PAPOLA: variants seen among roughly 807,000 people sequenced by gnomAD.
PAPOLA encodes the protein poly(A) polymerase alpha, also known as polynucleotide adenylyltransferase alpha.
Under a neutral mutation model 100.6 loss-of-function variants are expected in PAPOLA, and 15 were observed. The observed-to-expected ratio is 0.15, with a 90% confidence interval of 0.10 to 0.23. The LOEUF (loss-of-function observed/expected upper bound fraction) is 0.23. Ranked by LOEUF, PAPOLA falls within the 10% of genes least tolerant of loss-of-function variation. PAPOLA has a pLI of 1.00. For missense variants in PAPOLA, 533 were observed against 884.2 expected (o/e 0.60, Z 5.04); for synonymous variants, 293 against 300.0 (o/e 0.98, Z 0.24).
chr14:96,529,898 A>C (rs750638816), intron 6 of PAPOLA, among the ~76,000 whole-genome samples: 1 of 152,100 alleles, frequency 6.6e-6, no homozygotes, highest in Admixed American at 6.5e-5. Context: ...GCGGAATTCT[A>C]TGTCTTCAAA....
At chr14:96,542,525 A>G in intron 13 of PAPOLA, 1 of 516,042 alleles carries the variant, frequency 1.9e-6, no homozygotes, top group Non-Finnish European at 3.4e-6. Context: ...TTAATTGTAT[A>G]TTTAAAGTGC....
intron 16 of PAPOLA, among the ~76,000 whole-genome samples, chr14:96,551,944 CTTGCTT>C (rs60732799): frequency 0.046 from 6,978 of 152,228 alleles, 173 homozygotes; most frequent in Non-Finnish European, 0.057. Flanking sequence ...ACTGAAGTCT[CTTGCTT>C]TTGAGAGAGG....
chr14:96,539,131 G>A (rs77599703), intron 12 of PAPOLA, among the ~76,000 whole-genome samples: 3,368 of 152,162 alleles, frequency 0.022, 62 homozygotes, highest in Middle Eastern at 0.037. Flanking sequence ...CATGTAACTA[G>A]CAGTAAATCA....
In PAPOLA at chr14:96,562,804, C is replaced by G; in HGVS notation, c.2068-15C>G. 6.5e-7 allele frequency: 1 copy of G among 1,544,932 alleles called. No individual in the cohort carries two copies. Among genetic ancestry groups the G allele is most frequent in the Non-Finnish European group, 8.9e-7 (1 of 1,121,880 alleles). On this transcript the variant is annotated splice_polypyrimidine_tract_variant and intron_variant, in intron 20 of 21. Transcript: ENST00000216277. ...AAGTCTCTTTTCCCCCTTCCCCATC[C>G]TCTTTGTCTCACAGGAACAACTTGA...
Position 96,565,045 on chromosome 14 carries a change from C to T in PAPOLA, c.2233C>T (p.Arg745Trp). ...GAATTCAATAAAACTGAGATTGAATCGGTAAAAACAACCTCAGGGGTCCAT... is the reference window on the plus strand; with the variant it reads ...GAATTCAATAAAACTGAGATTGAATTGGTAAAAACAACCTCAGGGGTCCAT... ...IKNSIKLRLN[R>W] Residue 745 changes from arginine to tryptophan, a missense_variant, in exon 22 of 22, where the codon CGG becomes TGG. By Grantham distance (101) the Arg-to-Trp change is moderately radical. This residue lies in a region of PAPOLA where 242 missense variants were observed against 281.0 expected (regional missense o/e 0.86). Transcript: ENST00000216277. 2 of 1,529,036 alleles carry T rather than the reference C, an allele frequency of 1.3e-6. No individual in the cohort carries two copies. Among genetic ancestry groups the T allele is most frequent in the South Asian group, 1.1e-5 (1 of 89,320 alleles). The allele number at this position is 1,529,036 out of a possible 1,614,324, so 94.7% of individuals were successfully genotyped here. A position where few individuals can be genotyped will look rare whatever the true frequency, so the allele number is the denominator to read the frequency against.
At chr14:96,519,492 AC>A (rs1375227193) in intron 1 of PAPOLA, among the ~76,000 whole-genome samples, 1 of 152,188 alleles carries the variant, frequency 6.6e-6, no homozygotes, top group Admixed American at 6.5e-5. Context: ...TGTAAAATAA[AC>A]CTTTTAGACT....
rs1320547214 is a variant in PAPOLA, at chr14:96,502,385, A to G, written c.-208A>G. 2 of 697,956 alleles carry G rather than the reference A, an allele frequency of 2.9e-6. No individual in the cohort carries two copies. Among genetic ancestry groups the G allele is most frequent in the East Asian group, 2.7e-5 (1 of 36,644 alleles). The allele number at this position is 697,956 out of a possible 1,614,324, so 43.2% of individuals were successfully genotyped here. A position where few individuals can be genotyped will look rare whatever the true frequency, so the allele number is the denominator to read the frequency against. On this transcript the variant is annotated 5_prime_UTR_variant, in exon 1 of 22. Coordinates refer to ENST00000216277, the MANE Select transcript of PAPOLA (RefSeq NM_032632.5). ...GCGTGGTGGCGTCAGCAGTTCTAGA[A>G]CGTTGCTGTGGTAGCGCTCGGGCGC...
chr14:96,520,987 A>G lies in PAPOLA; in HGVS notation c.183-19A>G, dbSNP rs763051692. ...AGTAATGATCTGGAATACTTGATTG[A>G]TAATTGTTTTATCAACAGGATTTTA... is the stretch of plus-strand genomic sequence containing the variant. On this transcript the variant is annotated intron_variant, in intron 2 of 21. Transcript: ENST00000216277. 9.7e-5 allele frequency: 108 copies of G among 1,108,970 alleles called. No homozygotes were observed. Among genetic ancestry groups the G allele is most frequent in the Non-Finnish European group, 1.5e-4 (106 of 719,972 alleles). 68.7% of individuals were successfully genotyped at this position (1,108,970 alleles called of 1,614,324 possible). A position where few individuals can be genotyped will look rare whatever the true frequency, so the allele number is the denominator to read the frequency against.
chr14:96,531,734 G>A, intron 7 of PAPOLA, 148 bp downstream of exon 7: 1 of 1,489,288 alleles, frequency 6.7e-7, no homozygotes, highest in Non-Finnish European at 8.9e-7. Context: ...ATAAACTACA[G>A]AAGAGTATGT....
chr14:96,546,150 C>T (rs1900380003), intron 15 of PAPOLA, among the ~76,000 whole-genome samples: 2 of 152,026 alleles, frequency 1.3e-5, no homozygotes, highest in African/African-American at 4.8e-5. Flanking sequence ...GTTGTTCAAC[C>T]TAGAGACATT....
At position 96,532,082 on chromosome 14, in the gene PAPOLA, C is replaced by G. The variant is rs1595527885; in HGVS notation, c.608-249C>G. On this transcript the variant is annotated intron_variant, in intron 7 of 21. Coordinates refer to ENST00000216277, the MANE Select transcript of PAPOLA (RefSeq NM_032632.5). ...CTGAAGTTCAAATTGGGGCAGGTTA[C>G]AGTTTACTTTGGTTTCTTTGGTCAG... 2.3e-6 allele frequency: 3 copies of G among 1,289,848 alleles called. No individual in the cohort carries two copies. In the East Asian group the frequency reaches 1.0e-4, roughly 43 times the overall value. The allele number at this position is 1,289,848 out of a possible 1,614,324, so 79.9% of individuals were successfully genotyped here. A position where few individuals can be genotyped will look rare whatever the true frequency, so the allele number is the denominator to read the frequency against.
rs1902293928 is a variant in PAPOLA, at chr14:96,566,623, C to T, written c.*1573C>T. The T allele has an allele frequency of 6.6e-6, 1 of 152,516 alleles. No homozygotes were observed. The highest frequency in any genetic ancestry group is 6.6e-5 in the Admixed American group (1 of 15,260). The allele number at this position is 152,516 out of a possible 1,614,324, so 9.4% of individuals were successfully genotyped here. ...TAGGCTATGCATTAATCGAAGCTTT[C>T]TTTTCACCATGACTTTATAATGTCT... On this transcript the variant is annotated 3_prime_UTR_variant, in exon 22 of 22. Coordinates refer to ENST00000216277, the MANE Select transcript of PAPOLA (RefSeq NM_032632.5).
intron 10 of PAPOLA, chr14:96,535,101 G>A (rs947427965): frequency 2.6e-5 from 26 of 981,764 alleles, no homozygotes; most frequent in Non-Finnish European, 3.6e-6. Flanking sequence ...TTCTTGGGAA[G>A]TTACAACATT....
intron 17 of PAPOLA, among the ~76,000 whole-genome samples, chr14:96,554,521 C>A (rs11621733): frequency 0.036 from 5,546 of 152,188 alleles, 154 homozygotes; most frequent in African/African-American, 0.075. Flanking sequence ...CCAAAAATAA[C>A]AAGTCTTCGA....
At position 96,525,459 on chromosome 14, in the gene PAPOLA, C is replaced by G. The variant is rs138637779; in HGVS notation, c.331+68C>G. On this transcript the variant is annotated intron_variant, in intron 4 of 21. Transcript: ENST00000216277. ...CTTAAAAATTATGACATACCCGTCT[C>G]AGTTACTTGTGTATCATATAGCTTA... The G allele has an allele frequency of 4.5e-4, 301 of 663,312 alleles. 3 individuals are homozygous for G. The African/African-American group carries it at 5.0e-3, about 11-fold the overall frequency. The allele number at this position is 663,312 out of a possible 1,614,324, so 41.1% of individuals were successfully genotyped here.
intron 20 of PAPOLA, among the ~76,000 whole-genome samples, chr14:96,561,570 A>G (rs1901842892): frequency 6.6e-6 from 1 of 152,216 alleles, no homozygotes; most frequent in African/African-American, 2.4e-5. Context: ...ATCCATAGCA[A>G]TTATTTCCAT....
chr14:96,563,338 C>A (rs1902018760), intron 21 of PAPOLA, among the ~76,000 whole-genome samples: 1 of 152,136 alleles, frequency 6.6e-6, no homozygotes, highest in Admixed American at 6.5e-5. Context: ...TTTAATATAG[C>A]CCATAGCTCT....
intron 13 of PAPOLA, 168 bp downstream of exon 13, chr14:96,542,464 C>T: frequency 1.8e-6 from 1 of 562,860 alleles, no homozygotes; most frequent in Non-Finnish European, 3.1e-6. Flanking sequence ...TCAGGAGATC[C>T]ATATGCAACT....
At chr14:96,505,921 T>A (rs1242506743) in intron 1 of PAPOLA, among the ~76,000 whole-genome samples, 13 of 152,122 alleles carry the variant, frequency 8.5e-5, no homozygotes, top group Admixed American at 4.6e-4. Flanking sequence ...TTCCTTCCGT[T>A]CTTGACGGAG....
Sources: gnomAD v4.1 joint callset for allele counts (sites outside exome capture counted in the v4.1 genomes callset) on GRCh38, gnomAD v4.1.1 for gene constraint, gnomAD v4.1.1 regional missense constraint, MANE v1.5 for transcripts, NCBI Gene and HGNC (gene_info 2026-07-23, HGNC 2026-07-21) for gene names.